Variants in LRRTM4 observed in about 807,000 individuals in gnomAD.
LRRTM4 encodes the protein leucine rich repeat transmembrane neuronal 4.
Under a neutral mutation model 47.6 loss-of-function variants are expected in LRRTM4, and 25 were observed. The ratio of observed to expected loss-of-function variants is 0.53; its 90% CI spans 0.38 to 0.73. LRRTM4 has a LOEUF of 0.73. LRRTM4 is among the 30% of genes least tolerant of loss of function. LRRTM4 has a pLI of 0.00. For missense variants in LRRTM4, 638 were observed against 713.4 expected (o/e 0.89, Z 1.20); for synonymous variants, 311 against 269.5 (o/e 1.15, Z -1.51).
At chr2:77,304,968 T>C (rs1020359231) in intron 3 of LRRTM4, among the ~76,000 whole-genome samples, 3 of 152,054 alleles carry the variant, frequency 2.0e-5, no homozygotes, top group Admixed American at 1.3e-4. Context: ...ACATGAATTA[T>C]GCAGAGCCTA....
At chr2:77,148,516 A>T (rs1433552170) in intron 3 of LRRTM4, among the ~76,000 whole-genome samples, 1 of 152,112 alleles carries the variant, frequency 6.6e-6, no homozygotes, top group Non-Finnish European at 1.5e-5. Context: ...TATATATGAC[A>T]CTTTGTTGCA....
In LRRTM4 at chr2:76,760,228, C is replaced by G. The variant is rs567246552; in HGVS notation, c.1552-11312G>C. On this transcript the variant is annotated intron_variant, in intron 3 of 3. Transcript: ENST00000409884. ...ATCTAGAATCACAGGCCACCGTTTT[C>G]AGTCTACAAATATTTGCATACCTGG... 2.6e-5 allele frequency among the ~76,000 whole-genome samples: 4 copies of G among 152,274 alleles called. No individual in the cohort carries two copies. The South Asian group carries it at 8.3e-4, about 32-fold the overall frequency.
At chr2:76,932,940 AC>A (rs1674822932) in intron 3 of LRRTM4, among the ~76,000 whole-genome samples, 1 of 152,124 alleles carries the variant, frequency 6.6e-6, no homozygotes, top group Non-Finnish European at 1.5e-5. Flanking sequence ...GGTTTGCTGT[AC>A]CCATCAACCC....
chr2:76,977,772 C>A (rs1676467570), intron 3 of LRRTM4, among the ~76,000 whole-genome samples: 2 of 151,914 alleles, frequency 1.3e-5, no homozygotes. Context: ...CATAAAGGAA[C>A]AATCTAAAGC....
At chr2:77,404,363 G>A (rs1042114645) in intron 3 of LRRTM4, among the ~76,000 whole-genome samples, 2 of 151,950 alleles carry the variant, frequency 1.3e-5, no homozygotes, top group African/African-American at 4.8e-5. Flanking sequence ...ACTACAAAAT[G>A]CAGTACAGAC....
At chr2:77,385,607 C>T (rs6761512) in intron 3 of LRRTM4, among the ~76,000 whole-genome samples, 3,447 of 152,096 alleles carry the variant, frequency 0.023, 147 homozygotes, top group African/African-American at 0.079. Flanking sequence ...ATCAAAAAAT[C>T]ACTTTAAAGC....
At chr2:77,075,116 T>C (rs1318107174) in intron 3 of LRRTM4, among the ~76,000 whole-genome samples, 1 of 152,204 alleles carries the variant, frequency 6.6e-6, no homozygotes, top group Non-Finnish European at 1.5e-5. Context: ...CTTTCCTACA[T>C]AGTAGATAAT....
At chr2:76,870,538 C>T (rs1283103388) in intron 3 of LRRTM4, among the ~76,000 whole-genome samples, 3 of 152,038 alleles carry the variant, frequency 2.0e-5, no homozygotes, top group African/African-American at 7.2e-5. Context: ...TATGGCAGGC[C>T]AATGAACTTT....
chr2:77,345,982 T>G (rs1671545980), intron 3 of LRRTM4, among the ~76,000 whole-genome samples: 1 of 151,866 alleles, frequency 6.6e-6, no homozygotes, highest in South Asian at 2.1e-4. Flanking sequence ...ACTGAATGGA[T>G]AAAACAAACT....
intron 3 of LRRTM4, among the ~76,000 whole-genome samples, chr2:77,381,761 C>T (rs1330056174): frequency 6.6e-6 from 1 of 151,794 alleles, no homozygotes; most frequent in Non-Finnish European, 1.5e-5. Context: ...CCATTAAACC[C>T]ACTTCTAGAT....
chr2:77,056,207 G>C (rs1679602902), intron 3 of LRRTM4, among the ~76,000 whole-genome samples: 1 of 146,330 alleles, frequency 6.8e-6, no homozygotes, highest in Non-Finnish European at 1.5e-5. Flanking sequence ...AAGCTAATGT[G>C]AGAATAATTA....
intron 3 of LRRTM4, among the ~76,000 whole-genome samples, chr2:77,072,167 G>A (rs1341067625): frequency 1.3e-5 from 2 of 152,182 alleles, no homozygotes; most frequent in African/African-American, 2.4e-5. Flanking sequence ...AGTCTATGGT[G>A]TTAATTTAAG....
intron 3 of LRRTM4, among the ~76,000 whole-genome samples, chr2:77,367,795 T>C (rs1381272377): frequency 6.6e-6 from 1 of 151,892 alleles, no homozygotes; most frequent in African/African-American, 2.4e-5. Context: ...TTCAATCATT[T>C]ATAGACTCAT....
At chr2:76,865,360 T>C (rs562915127) in intron 3 of LRRTM4, among the ~76,000 whole-genome samples, 2 of 152,288 alleles carry the variant, frequency 1.3e-5, no homozygotes, top group South Asian at 2.1e-4. Flanking sequence ...AGAGTCAACA[T>C]AGAATTGATA....
chr2:77,040,916 T>G (rs1422098263), intron 3 of LRRTM4, among the ~76,000 whole-genome samples: 1 of 151,522 alleles, frequency 6.6e-6, no homozygotes, highest in Non-Finnish European at 1.5e-5. Context: ...CCTCAAACAT[T>G]TGTCATTTCT....
At chr2:76,803,547 A>G (rs1322502285) in intron 3 of LRRTM4, among the ~76,000 whole-genome samples, 5 of 152,216 alleles carry the variant, frequency 3.3e-5, no homozygotes, top group Non-Finnish European at 5.9e-5. Context: ...AGGTTTCTCA[A>G]AAAATTAAAT....
At chr2:77,051,363 G>A (rs1449654244) in intron 3 of LRRTM4, among the ~76,000 whole-genome samples, 1 of 152,206 alleles carries the variant, frequency 6.6e-6, no homozygotes, top group South Asian at 2.1e-4. Flanking sequence ...TTTAGGGAGA[G>A]GCCAAGTGAG....
chr2:76,881,050 T>C (rs1672914675), intron 3 of LRRTM4, among the ~76,000 whole-genome samples: 1 of 152,104 alleles, frequency 6.6e-6, no homozygotes, highest in Non-Finnish European at 1.5e-5. Context: ...ATGGCTATAG[T>C]TGACAGTGAT....
intron 3 of LRRTM4, among the ~76,000 whole-genome samples, chr2:77,318,409 G>T (rs972594484): frequency 2.6e-5 from 4 of 152,124 alleles, no homozygotes; most frequent in African/African-American, 9.7e-5. Context: ...GAAACACACA[G>T]GAAGCTCAAA....
Sources: gnomAD v4.1 joint callset for allele counts (sites outside exome capture counted in the v4.1 genomes callset) on GRCh38, gnomAD v4.1.1 for gene constraint, MANE v1.5 for transcripts, NCBI Gene and HGNC (gene_info 2026-07-23, HGNC 2026-07-21) for gene names.